The following OSBPL3 variants were observed in gnomAD, a reference collection of about 807,000 sequenced individuals.
OSBPL3 encodes oxysterol-binding protein-related protein 3.
A neutral mutation model predicts 120.1 loss-of-function variants in OSBPL3; 65 were observed. That is an observed-to-expected ratio of 0.54 (90% confidence interval 0.44 to 0.67). The LOEUF (loss-of-function observed/expected upper bound fraction) is 0.67. Ranked by LOEUF, OSBPL3 falls within the 30% of genes least tolerant of loss-of-function variation. The pLI is 0.00. For synonymous variants in OSBPL3, 416 were observed against 402.6 expected, an observed-to-expected ratio of 1.03 and a Z score of -0.40; for missense variants, 1,004 against 1,082.1, an observed-to-expected ratio of 0.93 and a Z score of 1.01.
At chr7:24,923,488 T>C (rs1171491723) in intron 1 of OSBPL3, among the ~76,000 whole-genome samples, 1 of 152,038 alleles carries the variant, frequency 6.6e-6, no homozygotes, top group Non-Finnish European at 1.5e-5. Flanking sequence ...CTGAACTCAG[T>C]AGATGGGTAG....
At chr7:24,850,800 A>G (rs1454109260) in intron 11 of OSBPL3, among the ~76,000 whole-genome samples, 1 of 152,244 alleles carries the variant, frequency 6.6e-6, no homozygotes, top group Non-Finnish European at 1.5e-5. Context: ...AAACATGGCA[A>G]CACTGTGCAT....
rs1336574117 is a variant in OSBPL3, at chr7:24,972,079, G to GC, written c.-150+7806dup. Among the ~76,000 whole-genome samples, 3 of 152,224 alleles carry GC rather than the reference G, an allele frequency of 2.0e-5. No individual in the cohort carries two copies. The highest frequency in any genetic ancestry group is 4.4e-5 in the Non-Finnish European group (3 of 68,034). ...GAATCTAGCCAGCAAGTTATTTTAAGCTACATGCAGGGCTATGCTGGAGGA... is the reference window on the plus strand; with the variant it reads ...GAATCTAGCCAGCAAGTTATTTTAAGCCTACATGCAGGGCTATGCTGGAGGA... On this transcript the variant is annotated intron_variant, in intron 1 of 22. Coordinates refer to ENST00000313367, the MANE Select transcript of OSBPL3 (RefSeq NM_015550.4). The surrounding 1 kb of genome is among the most constrained non-coding windows in gnomAD (Gnocchi z 4.3).
rs1352471184 is a variant in OSBPL3, at chr7:24,841,710, A to AG, written c.1401+568_1401+569insC. 6.2e-5 allele frequency among the ~76,000 whole-genome samples: 9 copies of AG among 146,164 alleles called. No homozygotes were observed. The East Asian group carries it at 9.9e-4, about 16-fold the overall frequency. On this transcript the variant is annotated intron_variant, in intron 13 of 22. Transcript: ENST00000313367. The stretch of plus-strand genomic sequence containing the variant: ...ACTATGTCTCAAAAAAAAAAAAAAA[A>AG]AAAAAAAAAAAGAGGCCAGGCACAG...
At chr7:24,895,539 G>T (rs1314630301) in intron 1 of OSBPL3, among the ~76,000 whole-genome samples, 5 of 152,182 alleles carry the variant, frequency 3.3e-5, no homozygotes, top group African/African-American at 1.2e-4. Context: ...TTAAAACAGG[G>T]AAGAATAAAG....
chr7:24,944,133 A>G (rs1388704678), intron 1 of OSBPL3, among the ~76,000 whole-genome samples: 4 of 151,918 alleles, frequency 2.6e-5, no homozygotes, highest in Admixed American at 2.0e-4. Flanking sequence ...GAAACCAAAG[A>G]TTAAAAGTTA....
rs1794998409 is a variant in OSBPL3 at position 24,820,514 on chromosome 7, T to G, written c.1885-276A>C. Among the ~76,000 whole-genome samples, 1 of 152,080 alleles carries G rather than the reference T, an allele frequency of 6.6e-6. No individual in the cohort carries two copies. Among genetic ancestry groups the G allele is most frequent in the African/African-American group, 2.4e-5 (1 of 41,396 alleles). On this transcript the variant is annotated intron_variant, in intron 16 of 22. Transcript: ENST00000313367. The surrounding 1 kb of genome is among the most constrained non-coding windows in gnomAD (Gnocchi z 4.6). Reference sequence around the variant, plus strand: ...GCGGCCAGGTGGCGAGTGATGAGGATAGAGGCGCATTTTGAAAGACATAAA... The same window carrying G: ...GCGGCCAGGTGGCGAGTGATGAGGAGAGAGGCGCATTTTGAAAGACATAAA...
intron 1 of OSBPL3, among the ~76,000 whole-genome samples, chr7:24,941,483 C>A (rs1319128126): frequency 1.3e-5 from 2 of 152,160 alleles, no homozygotes; most frequent in Non-Finnish European, 2.9e-5. Flanking sequence ...GTAGTGAGCT[C>A]TCCCCACTAA....
chr7:24,917,412 ATATAT>A (rs1243304278), intron 1 of OSBPL3, among the ~76,000 whole-genome samples: 2 of 133,008 alleles, frequency 1.5e-5, no homozygotes, highest in Non-Finnish European at 1.5e-5. Context: ...ATATATATAT[ATATAT>A]ATATATATAT....
At chr7:24,853,558 CATT>C (rs1799440476) in intron 10 of OSBPL3, among the ~76,000 whole-genome samples, 1 of 152,146 alleles carries the variant, frequency 6.6e-6, no homozygotes, top group Non-Finnish European at 1.5e-5. Flanking sequence ...GTACTAAAGG[CATT>C]ATTGGGATAA....
At position 24,805,880 on chromosome 7, in the gene OSBPL3, C is replaced by T. The variant is rs1584176576; in HGVS notation, c.2444+896G>A. On this transcript the variant is annotated intron_variant, in intron 21 of 22. Coordinates refer to ENST00000313367, the MANE Select transcript of OSBPL3 (RefSeq NM_015550.4). This position sits in a 1 kb window ranked among gnomAD's most constrained non-coding sequence, Gnocchi z 4.0. ...CAATTCATGACATGAGTTGCAGATACGGACTTCTCCGTTTGTCATTTATCT... is the reference window on the plus strand; with the variant it reads ...CAATTCATGACATGAGTTGCAGATATGGACTTCTCCGTTTGTCATTTATCT... 1.3e-5 allele frequency among the ~76,000 whole-genome samples: 2 copies of T among 152,114 alleles called. No individual in the cohort carries two copies. The highest frequency in any genetic ancestry group is 2.9e-5 in the Non-Finnish European group (2 of 68,028).
chr7:24,881,936 T>TTCTCCCGAACGTGTCTCCCGAATG lies in OSBPL3; in HGVS notation c.97-9868_97-9867insCATTCGGGAGACACGTTCGGGAGA, dbSNP rs1803744667. Among the ~76,000 whole-genome samples the TTCTCCCGAACGTGTCTCCCGAATG allele has an allele frequency of 6.6e-6, 1 of 152,190 alleles. No homozygotes were observed. Among genetic ancestry groups the TTCTCCCGAACGTGTCTCCCGAATG allele is most frequent in the Non-Finnish European group, 1.5e-5 (1 of 68,040 alleles). ...CATCACCTTTTCCTCTATGTCTGTC[T>TTCTCCCGAACGTGTCTCCCGAATG]TCTCCCGAACGTGTTTCTTATAAGG... is the stretch of plus-strand genomic sequence containing the variant. On this transcript the variant is annotated intron_variant, in intron 2 of 22. Transcript: ENST00000313367. The surrounding 1 kb of genome is among the most constrained non-coding windows in gnomAD (Gnocchi z 4.3).
At position 24,871,135 on chromosome 7, in the gene OSBPL3, G is replaced by C. The variant is rs568223679; in HGVS notation, c.268-290C>G. On this transcript the variant is annotated intron_variant, in intron 4 of 22. Coordinates refer to ENST00000313367, the MANE Select transcript of OSBPL3 (RefSeq NM_015550.4). The surrounding 1 kb of genome is among the most constrained non-coding windows in gnomAD (Gnocchi z 4.8). ...GTGAGGAAACAAAAGAGTAAGCACC[G>C]TGGGTTGACTCCCATGGCAGTGAAT... is the stretch of plus-strand genomic sequence containing the variant. 1.3e-5 allele frequency among the ~76,000 whole-genome samples: 2 copies of C among 152,226 alleles called. No individual in the cohort carries two copies.
Position 24,862,032 on chromosome 7 carries a change from G to A in OSBPL3, c.871-263C>T, listed in dbSNP as rs1481465016. ...CTCCCAAGTAGCTGGGACTACAGGC[G>A]CCCGCCACCACGCCCGGCTAATTTT... is the stretch of plus-strand genomic sequence containing the variant. On this transcript the variant is annotated intron_variant, in intron 9 of 22. Coordinates refer to ENST00000313367, the MANE Select transcript of OSBPL3 (RefSeq NM_015550.4). This position sits in a 1 kb window ranked among gnomAD's most constrained non-coding sequence, Gnocchi z 4.4. Among the ~76,000 whole-genome samples the A allele has an allele frequency of 3.3e-5, 5 of 151,994 alleles. No homozygotes were observed. Among genetic ancestry groups the A allele is most frequent in the Admixed American group, 2.0e-4 (3 of 15,274 alleles).
intron 5 of OSBPL3, among the ~76,000 whole-genome samples, chr7:24,870,040 C>T (rs147525663): frequency 6.6e-6 from 1 of 152,366 alleles, no homozygotes; most frequent in Non-Finnish European, 1.5e-5. Context: ...AAGTTTTCTA[C>T]ATGCAACCCG....
intron 12 of OSBPL3, among the ~76,000 whole-genome samples, chr7:24,843,359 T>G (rs1014377325): frequency 2.6e-5 from 4 of 152,230 alleles, no homozygotes; most frequent in African/African-American, 4.8e-5. Flanking sequence ...CAGGATGATT[T>G]GATTTCTTTC....
Position 24,851,004 on chromosome 7 carries a change from C to T in OSBPL3, c.1158+1500G>A, listed in dbSNP as rs571835284. On this transcript the variant is annotated intron_variant, in intron 11 of 22. Coordinates refer to ENST00000313367, the MANE Select transcript of OSBPL3 (RefSeq NM_015550.4). This position sits in a 1 kb window ranked among gnomAD's most constrained non-coding sequence, Gnocchi z 4.1. ...TTAGTGAAGGTGAGAACAGCCTTGG[C>T]CTAGGATACCACAGCCAAATAGGTC... Among the ~76,000 whole-genome samples the T allele has an allele frequency of 1.4e-4, 22 of 152,260 alleles. No individual in the cohort carries two copies. The highest frequency in any genetic ancestry group is 2.8e-4 in the Non-Finnish European group (19 of 68,032).
intron 12 of OSBPL3, among the ~76,000 whole-genome samples, chr7:24,847,969 T>C (rs17150291): frequency 0.056 from 8,603 of 152,276 alleles, 558 homozygotes; most frequent in East Asian, 0.14. Flanking sequence ...AATGTCATAC[T>C]TAACCACTAG....
intron 1 of OSBPL3, chr7:24,905,993 C>T (rs990183038): frequency 6.6e-5 from 10 of 152,356 alleles, no homozygotes; most frequent in African/African-American, 2.2e-4. Context: ...GATTGTACCA[C>T]TGAACTCCAG....
intron 1 of OSBPL3, among the ~76,000 whole-genome samples, chr7:24,902,701 A>AATAATAATAAT (rs372642745): frequency 0.014 from 2,066 of 144,002 alleles, 40 homozygotes; most frequent in East Asian, 0.039. Context: ...AAGAGAAAAT[A>AATAATAATAAT]AATAATAATA....
Sources: gnomAD v4.1 joint callset for allele counts (sites outside exome capture counted in the v4.1 genomes callset) on GRCh38, gnomAD v4.1.1 for gene constraint, Gnocchi (gnomAD v3.1) non-coding constraint, MANE v1.5 for transcripts, NCBI Gene and HGNC (gene_info 2026-07-23, HGNC 2026-07-21) for gene names.